MUC5AC: variants seen among roughly 807,000 people sequenced by gnomAD.
MUC5AC encodes the protein mucin-5AC.
Under a neutral mutation model 169.7 loss-of-function variants are expected in MUC5AC, and 158 were observed. That is an observed-to-expected ratio of 0.93 (90% CI 0.82 to 1.06). The LOEUF is 1.06. MUC5AC is among the 50% of genes least tolerant of loss of function. The pLI is 0.00. For synonymous variants in MUC5AC, 1,975 were observed against 1,237.0 expected, an observed-to-expected ratio of 1.60 and a Z score of -12.52; for missense variants, 4,359 against 3,089.9, an observed-to-expected ratio of 1.41 and a Z score of -9.74.
At position 1,168,969 on chromosome 11, in the gene MUC5AC, G is replaced by A. The variant is rs776722197; in HGVS notation, c.1813G>A (p.Ala605Thr). 10 of 1,610,596 alleles carry A rather than the reference G, an allele frequency of 6.2e-6. No individual in the cohort carries two copies. Among genetic ancestry groups the A allele is most frequent in the East Asian group, 2.2e-5 (1 of 44,854 alleles). Residue 605 changes from alanine to threonine, a missense_variant, in exon 15 of 49, where the codon GCC becomes ACC. Transcript: ENST00000621226. Reference sequence around the variant, plus strand: ...CTTCAACACCTTCAAGACCCAGGCCGCCTGCCCCAACATCAGGAACAGCTT... The same window carrying A: ...CTTCAACACCTTCAAGACCCAGGCCACCTGCCCCAACATCAGGAACAGCTT... ...AFFNTFKTQA[A>T]CPNIRNSFED...
At position 1,168,671 on chromosome 11, in the gene MUC5AC, T is replaced by A; in HGVS notation, c.1597T>A (p.Phe533Ile). 6.2e-7 allele frequency: 1 copy of A among 1,610,690 alleles called. No individual in the cohort carries two copies. The highest frequency in any genetic ancestry group is 8.5e-7 in the Non-Finnish European group (1 of 1,178,072). Residue 533 changes from phenylalanine (F) to isoleucine (I), a missense_variant, in exon 14 of 49, where the codon TTC (phenylalanine) becomes ATC (isoleucine). Physicochemically the swap from Phe to Ile is conservative, Grantham distance 21. Transcript: ENST00000621226. ...CGTCACCATCTTCAGACCCTCAACC[T>A]TCTTCATCATCGCCCAGACCAGCCT... ...ANVTIFRPSTFFIIAQTSLGL... is the reference protein window; with the variant it reads ...ANVTIFRPSTIFIIAQTSLGL...
rs758030806 is a variant in MUC5AC at position 1,164,154 on chromosome 11, G to A, written c.838G>A (p.Ala280Thr). 1.2e-6 allele frequency: 2 copies of A among 1,612,394 alleles called. No individual in the cohort carries two copies. The highest frequency in any genetic ancestry group is 2.2e-5 in the South Asian group (2 of 91,080). ...LHGQLFSGCV[A>T]LVDVGSYLEA... Reference sequence around the variant, plus strand: ...CGGCCAGCTGTTCTCTGGCTGCGTGGCCCTGGTGGACGTCGGCAGCTACCT... The same window carrying A: ...CGGCCAGCTGTTCTCTGGCTGCGTGACCCTGGTGGACGTCGGCAGCTACCT... Residue 280 changes from alanine (A) to threonine (T), a missense_variant, in exon 8 of 49, where the codon GCC becomes ACC. Ala to Thr is a moderately conservative substitution (Grantham distance 58). Coordinates refer to ENST00000621226, the MANE Select transcript of MUC5AC (RefSeq NM_001304359.2).
rs766423294 is a variant in MUC5AC, at chr11:1,165,398, A to C, written c.1226A>C (p.Tyr409Ser). 1.2e-6 allele frequency: 2 copies of C among 1,611,872 alleles called. No individual in the cohort carries two copies. The highest frequency in any genetic ancestry group is 1.7e-6 in the Non-Finnish European group (2 of 1,179,532). Residue 409 changes from tyrosine (Y) to serine (S), a missense_variant, in exon 10 of 49, where the codon TAC becomes TCC. By Grantham distance (144) the Tyr-to-Ser change is moderately radical. Coordinates refer to ENST00000621226, the MANE Select transcript of MUC5AC (RefSeq NM_001304359.2). Reference sequence around the variant, plus strand: ...GCTGCCTATGCCCCAGGGGCCACCTACTCCACAGACTGCACCAACTGGTAG... The same window carrying C: ...GCTGCCTATGCCCCAGGGGCCACCTCCTCCACAGACTGCACCAACTGGTAG... ...NGAAYAPGAT[Y>S]STDCTNCTCS...
intron 16 of MUC5AC, among the ~76,000 whole-genome samples, chr11:1,172,822 T>C (rs1223035158): frequency 6.7e-6 from 1 of 149,234 alleles, no homozygotes; most frequent in Non-Finnish European, 1.5e-5. Context: ...ATTTACCCAC[T>C]CACCCATTCA....
rs1475684174 is a variant in MUC5AC, at chr11:1,181,598, AG to A, written c.4009+142del. 3.0e-3 allele frequency: 1,194 copies of A among 397,588 alleles called. 4 individuals are homozygous for A. Among genetic ancestry groups the A allele is most frequent in the Non-Finnish European group, 4.2e-3 (959 of 225,888 alleles). The allele number at this position is 397,588 out of a possible 1,614,324, so 24.6% of individuals were successfully genotyped here. ...GAGGATCAAGAAGGGATCGAGGAGC[AG>A]GGAGTCGGGCTCGGGGATGACCTGC... is the stretch of plus-strand genomic sequence containing the variant. On this transcript the variant is annotated intron_variant, in intron 30 of 48. Coordinates refer to ENST00000621226, the MANE Select transcript of MUC5AC (RefSeq NM_001304359.2).
At position 1,182,343 on chromosome 11, in the gene MUC5AC, C is replaced by T. The variant is rs1445799865; in HGVS notation, c.4198C>T (p.Arg1400Trp). The T allele has an allele frequency of 3.8e-5, 15 of 398,562 alleles. No individual in the cohort carries two copies. The highest frequency in any genetic ancestry group is 2.5e-4 in the South Asian group (2 of 7,860). 24.7% of individuals were successfully genotyped at this position (398,562 alleles called of 1,614,324 possible). ...SPWMDVSRPG[R>W]GTDSGDFDTL... ...ATGGATGGATGTCAGCCGCCCTGGA[C>T]GGGGCACGGACAGCGGTGACTTCGA... Residue 1400 changes from arginine (R) to tryptophan (W), a missense_variant, in exon 31 of 49, where the codon CGG (arginine) becomes TGG (tryptophan). Arg to Trp is a moderately radical substitution (Grantham distance 101). Coordinates refer to ENST00000621226, the MANE Select transcript of MUC5AC (RefSeq NM_001304359.2).
chr11:1,182,453 A>C lies in MUC5AC; in HGVS notation c.4308A>C (p.Gly1436=), dbSNP rs1239275628. 7.5e-6 allele frequency: 3 copies of C among 398,506 alleles called. No homozygotes were observed. The highest frequency in any genetic ancestry group is 8.8e-6 in the Non-Finnish European group (2 of 226,082). The allele number at this position is 398,506 out of a possible 1,614,324, so 24.7% of individuals were successfully genotyped here. A position where few individuals can be genotyped will look rare whatever the true frequency, so the allele number is the denominator to read the frequency against. Residue 1436 remains glycine, a synonymous_variant, in exon 31 of 49, where the codon GGA becomes GGC. Coordinates refer to ENST00000621226, the MANE Select transcript of MUC5AC (RefSeq NM_001304359.2). ...SVECRAEDAP[G]VPLRALGQRV... is the part of the protein sequence containing the mutation. ...AGTGCCGAGCTGAGGACGCCCCCGG[A>C]GTGCCGCTCCGAGCCCTGGGGCAGC...
At position 1,183,754 on chromosome 11, in the gene MUC5AC, A is replaced by C; in HGVS notation, c.5609A>C (p.Lys1870Thr). The change falls in exon 31 of 49, where the codon AAG (lysine) becomes ACG (threonine). Residue 1870 changes from lysine (K) to threonine (T), a missense_variant. By Grantham distance (78) the Lys-to-Thr change is moderately conservative. Transcript: ENST00000621226. ...CAGACCACTCCTTCAACAACCTCCA[A>C]GACCACTGAAACCCAGGCCTCAGGC... is the stretch of plus-strand genomic sequence containing the variant. ...PAQTTPSTTS[K>T]TTETQASGSS... 2.1e-6 allele frequency: 1 copy of C among 483,152 alleles called. No homozygotes were observed. Among genetic ancestry groups the C allele is most frequent in the Non-Finnish European group, 3.6e-6 (1 of 278,042 alleles). 29.9% of individuals were successfully genotyped at this position (483,152 alleles called of 1,614,324 possible).
chr11:1,168,432 G>A, intron 12 of MUC5AC, 51 bp from the exon 13 acceptor site: 1 of 1,568,440 alleles, frequency 6.4e-7, no homozygotes, highest in African/African-American at 1.4e-5. Flanking sequence ...CCGCGGGGCT[G>A]AGGTGCCGCA....
rs771677563 is a variant in MUC5AC at position 1,196,469 on chromosome 11, GC to G, written c.15721del (p.Leu5241SerfsTer20). On this transcript the variant is annotated frameshift_variant, in exon 38 of 49. Coordinates refer to ENST00000621226, the MANE Select transcript of MUC5AC (RefSeq NM_001304359.2). LOFTEE classifies it high-confidence loss of function. ...PSYCYGNDSA[S>X]LGALPEAGPI... ...TACTGCTACGGGAATGACAGCGCCA[GC>G]CTCGGGTAGGCACCCTCCCTCCTGG... is the stretch of plus-strand genomic sequence containing the variant. The G allele has an allele frequency of 1.3e-6, 1 of 765,036 alleles. No individual in the cohort carries two copies. The highest frequency in any genetic ancestry group is 2.4e-6 in the Non-Finnish European group (1 of 417,826). 47.4% of individuals were successfully genotyped at this position (765,036 alleles called of 1,614,324 possible). A position where few individuals can be genotyped will look rare whatever the true frequency, so the allele number is the denominator to read the frequency against.
chr11:1,169,827 C>T (rs1369681962), intron 15 of MUC5AC, among the ~76,000 whole-genome samples: 2 of 144,630 alleles, frequency 1.4e-5, no homozygotes, highest in African/African-American at 5.2e-5. Context: ...CTCACCCATT[C>T]ACCCACTCAC....
Position 1,187,940 on chromosome 11 carries a change from G to T in MUC5AC, c.9795G>T (p.Glu3265Asp). The T allele has an allele frequency of 5.3e-6, 4 of 755,674 alleles. No homozygotes were observed. Among genetic ancestry groups the T allele is most frequent in the Non-Finnish European group, 9.7e-6 (4 of 412,422 alleles). 46.8% of individuals were successfully genotyped at this position (755,674 alleles called of 1,614,324 possible). ...AAAAAATCTGCCGCCGACCTGAGGA[G>T]ATCACCAGGCTCCAGTGCCGAGCCG... ...SGEKICRRPE[E>D]ITRLQCRAES... The change falls in exon 31 of 49, where the codon GAG (glutamate) becomes GAT (aspartate). Residue 3265 changes from glutamate to aspartate, a missense_variant. Physicochemically the swap from Glu to Asp is conservative, Grantham distance 45. Coordinates refer to ENST00000621226, the MANE Select transcript of MUC5AC (RefSeq NM_001304359.2).
At chr11:1,161,796 C>T (rs931090214) in intron 3 of MUC5AC, 111 bp from the exon 4 acceptor site, 8 of 1,456,230 alleles carry the variant, frequency 5.5e-6, no homozygotes, top group Non-Finnish European at 6.4e-6. Flanking sequence ...TCCAGGGCAG[C>T]AGCACTTCCT....
At chr11:1,195,732 G>C (rs921878356) in intron 36 of MUC5AC, 144 bp from the exon 37 acceptor site, 2 of 542,628 alleles carry the variant, frequency 3.7e-6, no homozygotes, top group East Asian at 3.1e-5. Flanking sequence ...GAGCCCGTCC[G>C]GGGATACAGG....
chr11:1,177,712 G>A (rs1268870647), intron 24 of MUC5AC, 79 bp downstream of exon 24: 16 of 397,732 alleles, frequency 4.0e-5, no homozygotes, highest in South Asian at 1.3e-4. Context: ...GGGCAGAGAC[G>A]AGAGGCACAG....
rs1384622007 is a variant in MUC5AC at position 1,162,000 on chromosome 11, T to C, written c.305T>C (p.Leu102Pro). 1.2e-6 allele frequency: 2 copies of C among 1,612,522 alleles called. No homozygotes were observed. Among genetic ancestry groups the C allele is most frequent in the East Asian group, 4.5e-5 (2 of 44,880 alleles). ...GGCGACGTCTTCCGCTTCCCCGGCCTCTGCAACTACGTGTTCTCCGAGCAC... is the reference window on the plus strand; with the variant it reads ...GGCGACGTCTTCCGCTTCCCCGGCCCCTGCAACTACGTGTTCTCCGAGCAC... ...FDGDVFRFPGLCNYVFSEHCG... is the reference protein window; with the variant it reads ...FDGDVFRFPGPCNYVFSEHCG... Residue 102 changes from leucine (L) to proline (P), a missense_variant, in exon 4 of 49, where the codon CTC becomes CCC. Physicochemically the swap from Leu to Pro is moderately conservative, Grantham distance 98. Coordinates refer to ENST00000621226, the MANE Select transcript of MUC5AC (RefSeq NM_001304359.2).
chr11:1,160,763 G>A, intron 2 of MUC5AC, 74 bp downstream of exon 2: 3 of 1,453,198 alleles, frequency 2.1e-6, no homozygotes, highest in Non-Finnish European at 2.8e-6. Context: ...GGCCCCTAGG[G>A]CCACTGGTCT....
Position 1,180,048 on chromosome 11 carries a change from G to C in MUC5AC, c.3511G>C (p.Glu1171Gln), listed in dbSNP as rs1432408540. 2.5e-6 allele frequency: 1 copy of C among 398,926 alleles called. No individual in the cohort carries two copies. The highest frequency in any genetic ancestry group is 4.4e-6 in the Non-Finnish European group (1 of 226,224). The allele number at this position is 398,926 out of a possible 1,614,324, so 24.7% of individuals were successfully genotyped here. The change falls in exon 27 of 49, where the codon GAA becomes CAA. Residue 1171 changes from glutamate to glutamine, a missense_variant. By Grantham distance (29) the Glu-to-Gln change is conservative. Coordinates refer to ENST00000621226, the MANE Select transcript of MUC5AC (RefSeq NM_001304359.2). The part of the protein sequence containing the change: ...CPLFCDYYNP[E>Q]GQCEWHYQPC... ...TCTGTTCTGCGACTACTACAACCCC[G>C]AAGGCCAGTGCGAGTGGCACTACCA...
chr11:1,169,857 C>A (rs1860447888), intron 15 of MUC5AC, among the ~76,000 whole-genome samples: 1 of 136,770 alleles, frequency 7.3e-6, no homozygotes, highest in Admixed American at 7.2e-5. Context: ...CACCGACTCA[C>A]CCATTCACCC....
Sources: gnomAD v4.1 joint callset for allele counts (sites outside exome capture counted in the v4.1 genomes callset) on GRCh38, gnomAD v4.1.1 for gene constraint, MANE v1.5 for transcripts, NCBI Gene and HGNC (gene_info 2026-07-23, HGNC 2026-07-21) for gene names.